MTUS2: variants seen among roughly 807,000 people sequenced by gnomAD.
MTUS2 encodes microtubule-associated tumor suppressor candidate 2.
In MTUS2, 40 loss-of-function variants were observed where a neutral mutation model predicts 114.1. That is an observed-to-expected ratio of 0.35 (90% CI 0.27 to 0.46). MTUS2 has a LOEUF of 0.46. Ranked by LOEUF, MTUS2 falls within the 20% of genes least tolerant of loss-of-function variation. MTUS2 has a pLI of 1.00. For missense variants in MTUS2, 1,679 were observed against 1,705.4 expected (o/e 0.98, Z 0.27); for synonymous variants, 688 against 672.0 (o/e 1.02, Z -0.37).
intron 4 of MTUS2, among the ~76,000 whole-genome samples, chr13:29,079,652 C>T (rs1889354725): frequency 4.6e-5 from 7 of 152,180 alleles, no homozygotes; most frequent in Admixed American, 4.6e-4. Context: ...TGAAAAACCT[C>T]TTCTTTATCC....
chr13:28,890,051 C>G (rs150252355), intron 2 of MTUS2, among the ~76,000 whole-genome samples: 230 of 152,276 alleles, frequency 1.5e-3, no homozygotes, highest in African/African-American at 5.3e-3. Context: ...TTTTATTAGA[C>G]TGTAAAGTGC....
At chr13:28,880,850 A>G (rs572753217) in intron 2 of MTUS2, among the ~76,000 whole-genome samples, 12 of 152,354 alleles carry the variant, frequency 7.9e-5, no homozygotes, top group African/African-American at 2.9e-4. Context: ...GAGAAATCTT[A>G]TAAAAGGTGG....
rs75200054 is a variant in MTUS2, at chr13:28,895,786, T to C, written c.-243+55936T>C. 8.2e-3 allele frequency among the ~76,000 whole-genome samples: 1,244 copies of C among 152,304 alleles called. 17 individuals carry two copies. The highest frequency in any genetic ancestry group is 0.035 in the East Asian group (180 of 5,190). On this transcript the variant is annotated intron_variant, in intron 2 of 15. Coordinates refer to ENST00000612955, the MANE Select transcript of MTUS2 (RefSeq NM_001033602.4). ...GCACCAGTGGGAATTTAAATGTAAA[T>C]GAATTAACGTTAAATACAATGCAGA...
intron 5 of MTUS2, chr13:29,242,725 T>C (rs781682945): frequency 1.3e-5 from 2 of 152,224 alleles, no homozygotes; most frequent in Non-Finnish European, 2.9e-5. Flanking sequence ...AAGTAAGATA[T>C]CATCCCTGCC....
chr13:29,461,215 A>C (rs1212549162), intron 9 of MTUS2, among the ~76,000 whole-genome samples: 1 of 151,716 alleles, frequency 6.6e-6, no homozygotes, highest in East Asian at 1.9e-4. Context: ...AGGGGGGGTG[A>C]ACTCATTCTT....
intron 5 of MTUS2, among the ~76,000 whole-genome samples, chr13:29,129,986 C>T (rs968665117): frequency 1.3e-5 from 2 of 152,114 alleles, no homozygotes; most frequent in African/African-American, 4.8e-5. Context: ...GTTTGTCAAT[C>T]ATTGCTGTCA....
intron 7 of MTUS2, among the ~76,000 whole-genome samples, chr13:29,349,403 T>C (rs1034634150): frequency 1.3e-5 from 2 of 152,186 alleles, no homozygotes; most frequent in African/African-American, 4.8e-5. Context: ...TTATTATTGA[T>C]TATCAACACT....
chr13:29,225,815 G>A (rs367568082), intron 5 of MTUS2, among the ~76,000 whole-genome samples: 11 of 152,176 alleles, frequency 7.2e-5, no homozygotes, highest in Admixed American at 1.3e-4. Context: ...GAACAAGAAT[G>A]ATAATACAGT....
At chr13:29,085,935 G>T (rs568207657) in intron 4 of MTUS2, among the ~76,000 whole-genome samples, 1 of 152,174 alleles carries the variant, frequency 6.6e-6, no homozygotes, top group Admixed American at 6.6e-5. Flanking sequence ...CTTCAGCCTT[G>T]CCAAAATCTG....
intron 7 of MTUS2, among the ~76,000 whole-genome samples, chr13:29,331,391 G>A (rs1280602633): frequency 6.6e-6 from 1 of 152,166 alleles, no homozygotes; most frequent in African/African-American, 2.4e-5. Flanking sequence ...GAGACAGTTT[G>A]ACTCCCTCTC....
intron 5 of MTUS2, among the ~76,000 whole-genome samples, chr13:29,176,930 G>T (rs1007595578): frequency 1.7e-4 from 25 of 151,048 alleles, no homozygotes; most frequent in Non-Finnish European, 5.9e-5. Flanking sequence ...GGCAGGCATG[G>T]TGGCTCTTTA....
intron 13 of MTUS2, chr13:29,497,721 G>T: frequency 4.9e-6 from 1 of 204,382 alleles, no homozygotes; most frequent in South Asian, 1.2e-4. Context: ...TCAGTTGAGG[G>T]GAATTTTTTC....
intron 15 of MTUS2, among the ~76,000 whole-genome samples, chr13:29,502,630 T>C (rs533310921): frequency 5.2e-4 from 79 of 152,392 alleles, no homozygotes; most frequent in African/African-American, 1.8e-3. Context: ...TCATTGTCAA[T>C]TGCCAGCTGC....
intron 4 of MTUS2, among the ~76,000 whole-genome samples, chr13:29,080,901 T>C (rs1010268132): frequency 1.2e-4 from 18 of 152,130 alleles, no homozygotes; most frequent in African/African-American, 4.3e-4. Flanking sequence ...AATTTTTGTA[T>C]TTTTAGTAGA....
chr13:29,389,687 GTA>G (rs533594013), intron 8 of MTUS2, among the ~76,000 whole-genome samples: 2 of 139,440 alleles, frequency 1.4e-5, no homozygotes, highest in African/African-American at 5.5e-5. Flanking sequence ...ATATATGTAT[GTA>G]TATATGTGTA....
At chr13:28,942,879 G>A (rs768276763) in intron 2 of MTUS2, among the ~76,000 whole-genome samples, 3 of 152,144 alleles carry the variant, frequency 2.0e-5, no homozygotes, top group African/African-American at 4.8e-5. Flanking sequence ...CCTGATTCCA[G>A]TGGTAGTTTC....
At chr13:28,990,775 G>A (rs1211917134) in intron 2 of MTUS2, among the ~76,000 whole-genome samples, 1 of 152,160 alleles carries the variant, frequency 6.6e-6, no homozygotes, top group African/African-American at 2.4e-5. Flanking sequence ...CCAGGCTGTG[G>A]AAGGTTTGTT....
intron 6 of MTUS2, among the ~76,000 whole-genome samples, chr13:29,307,950 C>T (rs978256256): frequency 2.0e-5 from 3 of 152,138 alleles, no homozygotes; most frequent in African/African-American, 7.2e-5. Context: ...TTGTCATGTA[C>T]CATCAATAAA....
chr13:29,445,329 G>A (rs1043879203), intron 9 of MTUS2, among the ~76,000 whole-genome samples: 1 of 152,112 alleles, frequency 6.6e-6, no homozygotes, highest in Admixed American at 6.5e-5. Flanking sequence ...AGGACCCAGT[G>A]TTAGTATAGA....
Sources: allele counts gnomAD v4.1 joint callset (sites outside exome capture counted in the v4.1 genomes callset), GRCh38; gene constraint gnomAD v4.1.1; transcripts MANE v1.5; gene names NCBI Gene and HGNC (gene_info 2026-07-23, HGNC 2026-07-21).